The following P2RY10 variants were observed in gnomAD, a reference collection of about 807,000 sequenced individuals.
The protein encoded by P2RY10 is P2Y receptor family member 10, also known as putative P2Y purinoceptor 10.
In P2RY10, 4 loss-of-function variants were observed where a neutral mutation model predicts 12.1. The observed-to-expected ratio is 0.33, with a 90% CI of 0.16 to 0.76. The LOEUF (loss-of-function observed/expected upper bound fraction) is 0.76, where lower values mean the gene tolerates loss of function less well. P2RY10 is among the 30% of genes least tolerant of loss of function. The probability of loss-of-function intolerance (pLI) is 0.61; values close to 1 mark genes in which losing one functional copy is unlikely to be tolerated. For synonymous variants in P2RY10, 112 were observed against 94.1 expected (o/e 1.19, Z -1.10); for missense variants, 233 against 264.6 (o/e 0.88, Z 0.83).
intron 3 of P2RY10, among the ~76,000 whole-genome samples, chrX:78,957,740 G>A (rs1313588878): frequency 2.7e-5 from 3 of 111,452 alleles, no homozygotes; most frequent in African/African-American, 6.5e-5. Flanking sequence ...AAATCTCTAC[G>A]CTCACAATGA....
At chrX:78,954,198 A>G (rs961382641) in intron 3 of P2RY10, among the ~76,000 whole-genome samples, 1 of 111,626 alleles carries the variant, frequency 9.0e-6, no homozygotes, top group Non-Finnish European at 1.9e-5. Flanking sequence ...CTAAAACACA[A>G]GTATGATGAT....
Position 78,961,223 on chromosome X carries a change from A to G in P2RY10, c.703A>G (p.Ile235Val). ...LRQPPMAFQG[I>V]SERQKALRMV... Reference sequence around the variant, plus strand: ...ACAGCCACCAATGGCTTTCCAAGGGATCAGTGAGAGGCAGAAAGCACTGCG... The same window carrying G: ...ACAGCCACCAATGGCTTTCCAAGGGGTCAGTGAGAGGCAGAAAGCACTGCG... The change falls in exon 4 of 4, where the codon ATC (isoleucine) becomes GTC (valine). Residue 235 changes from isoleucine (I) to valine (V), a missense_variant. Ile to Val is a conservative substitution (Grantham distance 29). Transcript: ENST00000171757. 1 of 1,210,211 alleles carries G rather than the reference A, an allele frequency of 8.3e-7. No individual in the cohort carries two copies. Among genetic ancestry groups the G allele is most frequent in the Non-Finnish European group, 1.1e-6 (1 of 894,092 alleles).
chrX:78,947,623 C>A (rs1016373671), intron 1 of P2RY10, among the ~76,000 whole-genome samples, 192 bp from the exon 2 acceptor site: 1 of 111,492 alleles, frequency 9.0e-6, no homozygotes, highest in East Asian at 2.8e-4. Flanking sequence ...ATAGATGGTT[C>A]CTAATTTCCT....
chrX:78,960,473 C>G (rs114695234), intron 3 of P2RY10, 35 bp from the exon 4 acceptor site: 1 of 1,085,618 alleles, frequency 9.2e-7, no homozygotes, highest in Non-Finnish European at 1.2e-6. Context: ...AACTAATTAA[C>G]CATTTTACTC....
chrX:78,960,995 G>A lies in P2RY10; in HGVS notation c.475G>A (p.Val159Ile), dbSNP rs994112446. ...DVGISAAIWIVVGTACLPFPI... is the reference protein window; with the variant it reads ...DVGISAAIWIIVGTACLPFPI... ...GGGCATCAGTGCTGCCATCTGGATC[G>A]TTGTGGGGACTGCCTGTTTGCCATT... is the stretch of plus-strand genomic sequence containing the variant. Residue 159 changes from valine to isoleucine, a missense_variant, in exon 4 of 4, where the codon GTT becomes ATT. Val to Ile is a conservative substitution (Grantham distance 29). Transcript: ENST00000171757. 8 of 1,209,945 alleles carry A rather than the reference G, an allele frequency of 6.6e-6. No homozygotes were observed. The African/African-American group carries it at 8.7e-5, about 13-fold the overall frequency.
intron 2 of P2RY10, among the ~76,000 whole-genome samples, chrX:78,951,339 G>C (rs1238213078): frequency 8.9e-6 from 1 of 112,059 alleles, no homozygotes; most frequent in Non-Finnish European, 1.9e-5. Context: ...TAGGTGTTCA[G>C]ATTTCTTAGA....
rs1351569255 is a variant in P2RY10, at chrX:78,956,233, A to G, written c.-14+3898A>G. Among the ~76,000 whole-genome samples the G allele has an allele frequency of 5.4e-5, 6 of 111,462 alleles. No homozygotes were observed. In the Admixed American group the frequency reaches 5.7e-4, roughly 11 times the overall value. On this transcript the variant is annotated intron_variant, in intron 3 of 3. Coordinates refer to ENST00000171757, the MANE Select transcript of P2RY10 (RefSeq NM_014499.4). Reference sequence around the variant, plus strand: ...CTGACCACCTGTGATTTCTAAATTGATTTCTTTTCTCTTTTCTCAGGTCTC... The same window carrying G: ...CTGACCACCTGTGATTTCTAAATTGGTTTCTTTTCTCTTTTCTCAGGTCTC...
chrX:78,957,515 T>C (rs1922396991), intron 3 of P2RY10, among the ~76,000 whole-genome samples: 2 of 110,502 alleles, frequency 1.8e-5, no homozygotes, highest in Non-Finnish European at 3.8e-5. Context: ...TCTCCTTTCT[T>C]ATATTTCAGA....
intron 1 of P2RY10, among the ~76,000 whole-genome samples, chrX:78,947,171 T>C (rs892840209): frequency 2.8e-5 from 3 of 108,753 alleles, no homozygotes; most frequent in Admixed American, 9.8e-5. Context: ...GCTGAGACTG[T>C]GCCATTGCAC....
intron 3 of P2RY10, among the ~76,000 whole-genome samples, chrX:78,956,781 A>C (rs1922352678): frequency 9.0e-6 from 1 of 111,313 alleles, no homozygotes; most frequent in Non-Finnish European, 1.9e-5. Context: ...TTTGAGCCTC[A>C]ATTTTCTCAT....
Position 78,961,552 on chromosome X carries a change from C to G in P2RY10, c.*12C>G. 8.8e-7 allele frequency: 1 copy of G among 1,140,187 alleles called. No homozygotes were observed. The highest frequency in any genetic ancestry group is 1.2e-6 in the Non-Finnish European group (1 of 841,256). The allele number at this position is 1,140,187 out of a possible 1,213,427, so 94.0% of individuals were successfully genotyped here. A position where few individuals can be genotyped will look rare whatever the true frequency, so the allele number is the denominator to read the frequency against. The stretch of plus-strand genomic sequence containing the variant: ...CAATGATTGGCTAAAATTAAGATAT[C>G]TCTTTAATTACGCCTTTGTTTACCT... On this transcript the variant is annotated 3_prime_UTR_variant, in exon 4 of 4. Coordinates refer to ENST00000171757, the MANE Select transcript of P2RY10 (RefSeq NM_014499.4).
intron 2 of P2RY10, among the ~76,000 whole-genome samples, chrX:78,948,283 T>G (rs1416742857): frequency 8.9e-6 from 1 of 112,135 alleles, no homozygotes; most frequent in Non-Finnish European, 1.9e-5. Flanking sequence ...CTAGATATTC[T>G]AGTCCTCTGC....
intron 2 of P2RY10, 74 bp downstream of exon 2, chrX:78,947,937 CA>C (rs1921925153): frequency 7.0e-6 from 2 of 287,552 alleles, no homozygotes; most frequent in Admixed American, 1.8e-4. Context: ...CTAATTTCCA[CA>C]GTGACAATGA....
chrX:78,954,875 T>C (rs1006207926), intron 3 of P2RY10, among the ~76,000 whole-genome samples: 18 of 111,724 alleles, frequency 1.6e-4, no homozygotes, highest in African/African-American at 5.5e-4. Flanking sequence ...CAACTTGACC[T>C]CACCTTTGAA....
intron 2 of P2RY10, among the ~76,000 whole-genome samples, chrX:78,948,906 G>T (rs192472156): frequency 1.8e-5 from 2 of 111,720 alleles, no homozygotes; most frequent in Non-Finnish European, 3.8e-5. Context: ...CTTTGCAATT[G>T]TGATTAGTAG....
At chrX:78,948,557 C>A (rs1460856512) in intron 2 of P2RY10, among the ~76,000 whole-genome samples, 1 of 110,944 alleles carries the variant, frequency 9.0e-6, no homozygotes, top group Non-Finnish European at 1.9e-5. Context: ...TTTTAGTGCA[C>A]CCACCACCTC....
chrX:78,951,465 C>T (rs752066568), intron 2 of P2RY10, among the ~76,000 whole-genome samples: 2 of 111,473 alleles, frequency 1.8e-5, no homozygotes, highest in East Asian at 5.6e-4. Context: ...GTAAAAATGC[C>T]TAATGCTCTG....
At chrX:78,959,469 G>T (rs771130037) in intron 3 of P2RY10, among the ~76,000 whole-genome samples, 1 of 111,194 alleles carries the variant, frequency 9.0e-6, no homozygotes, top group African/African-American at 3.3e-5. Flanking sequence ...CCTAGCCTCT[G>T]ATAATCTCTA....
At position 78,960,702 on chromosome X, in the gene P2RY10, G is replaced by T; in HGVS notation, c.182G>T (p.Arg61Leu). ...AGTGCAGCCTTGTGGGTTCTGTGCC[G>T]CTTCATCAGCAAGAAAAATAAAGCC... Reference protein sequence around the residue: ...ANSAALWVLCRFISKKNKAII... With the variant: ...ANSAALWVLCLFISKKNKAII... The change falls in exon 4 of 4, where the codon CGC (arginine) becomes CTC (leucine). Residue 61 changes from arginine to leucine, a missense_variant. Coordinates refer to ENST00000171757, the MANE Select transcript of P2RY10 (RefSeq NM_014499.4). 2 of 1,209,892 alleles carry T rather than the reference G, an allele frequency of 1.7e-6. No homozygotes were observed. The highest frequency in any genetic ancestry group is 2.2e-6 in the Non-Finnish European group (2 of 894,265).
Sources: gnomAD v4.1 joint callset for allele counts (sites outside exome capture counted in the v4.1 genomes callset) on GRCh38, gnomAD v4.1.1 for gene constraint, MANE v1.5 for transcripts, NCBI Gene and HGNC (gene_info 2026-07-23, HGNC 2026-07-21) for gene names.